AFDN: variants seen among roughly 807,000 people sequenced by gnomAD.
AFDN encodes afadin, adherens junction formation factor.
AFDN carries 68 observed loss-of-function variants against 216.6 expected under a neutral mutation model. The ratio of observed to expected loss-of-function variants is 0.31; its 90% CI spans 0.26 to 0.38. The LOEUF (loss-of-function observed/expected upper bound fraction) is 0.38. AFDN is among the 10% of genes least tolerant of loss of function. AFDN has a pLI of 1.00. For missense variants in AFDN, 2,136 were observed against 2,342.0 expected (o/e 0.91, Z 1.82); for synonymous variants, 868 against 853.7 (o/e 1.02, Z -0.29).
intron 30 of AFDN, among the ~76,000 whole-genome samples, chr6:167,957,324 C>T (rs1411834328): frequency 5.3e-5 from 8 of 152,296 alleles, no homozygotes; most frequent in Admixed American, 6.5e-5. Flanking sequence ...TTCTGGGTAG[C>T]GCCACCTCCA....
intron 4 of AFDN, among the ~76,000 whole-genome samples, chr6:167,874,053 G>A (rs1785073618): frequency 6.6e-6 from 1 of 152,186 alleles, no homozygotes; most frequent in Admixed American, 6.5e-5. Context: ...AATGTACAAA[G>A]ATACGTTGCT....
In AFDN at chr6:167,951,560, C is replaced by T. The variant is rs200111665; in HGVS notation, c.4206C>T (p.Asn1402=). The part of the protein sequence containing the change: ...DLPLPPPPSA[N]QIGLPSAQVA... ...CTCTCCCACCACCCCCTTCCGCCAA[C>T]CAGATAGGGCTGCCGTCTGCGCAGG... is the stretch of plus-strand genomic sequence containing the variant. The change falls in exon 30 of 34, where the codon AAC becomes AAT. Residue 1402 remains asparagine, a synonymous_variant. Transcript: ENST00000683244. This position sits in a 1 kb window ranked among gnomAD's most constrained non-coding sequence, Gnocchi z 7.1. 1.2e-6 allele frequency: 2 copies of T among 1,613,856 alleles called. No homozygotes were observed. The highest frequency in any genetic ancestry group is 2.7e-5 in the African/African-American group (2 of 75,040).
Position 167,864,543 on chromosome 6 carries a change from T to C in AFDN, c.106-8T>C, listed in dbSNP as rs1783962431. The C allele has an allele frequency of 1.2e-6, 2 of 1,605,028 alleles. No individual in the cohort carries two copies. Among genetic ancestry groups the C allele is most frequent in the Non-Finnish European group, 1.7e-6 (2 of 1,175,652 alleles). On this transcript the variant is annotated splice_region_variant and splice_polypyrimidine_tract_variant and intron_variant, in intron 1 of 33. Coordinates refer to ENST00000683244, the MANE Select transcript of AFDN (RefSeq NM_001386888.1). The stretch of plus-strand genomic sequence containing the variant: ...TTTCCAAAAATGTACCATTTTGTTT[T>C]CTTTTAGGATTTGGAGTTCCATGGA...
At chr6:167,887,846 T>C (rs533340631) in intron 6 of AFDN, among the ~76,000 whole-genome samples, 247 of 152,312 alleles carry the variant, frequency 1.6e-3, no homozygotes, top group Admixed American at 2.7e-3. Flanking sequence ...TTCTCCTTGT[T>C]AGATATTATC....
At chr6:167,948,570 A>C in intron 29 of AFDN, 92 bp downstream of exon 29, 1 of 1,225,238 alleles carries the variant, frequency 8.2e-7, no homozygotes, top group Non-Finnish European at 1.1e-6. Context: ...ATAGAACAGC[A>C]TTGTTGGCCT....
chr6:167,875,600 A>G (rs761275019), intron 5 of AFDN, 105 bp downstream of exon 5: 9 of 1,187,342 alleles, frequency 7.6e-6, no homozygotes, highest in Non-Finnish European at 1.1e-5. Flanking sequence ...GGGTGGTGTA[A>G]CCTTTTCATA....
At chr6:167,966,295 A>G (rs775840491) in intron 32 of AFDN, 11 of 1,476,270 alleles carry the variant, frequency 7.5e-6, no homozygotes, top group Non-Finnish European at 9.0e-7. Context: ...GTGACAAATC[A>G]GCTCTCTTTG....
At chr6:167,944,643 G>A (rs1303238867) in intron 26 of AFDN, among the ~76,000 whole-genome samples, 1 of 152,076 alleles carries the variant, frequency 6.6e-6, no homozygotes, top group Non-Finnish European at 1.5e-5. Flanking sequence ...TTGTATATAC[G>A]TCACAGTGTA....
intron 2 of AFDN, among the ~76,000 whole-genome samples, chr6:167,865,542 G>A (rs1784081437): frequency 6.6e-6 from 1 of 152,222 alleles, no homozygotes; most frequent in African/African-American, 2.4e-5. Flanking sequence ...GAGCTCAGGA[G>A]TTTGAGGCTT....
At chr6:167,853,507 A>G (rs994607979) in intron 1 of AFDN, among the ~76,000 whole-genome samples, 2 of 151,828 alleles carry the variant, frequency 1.3e-5, no homozygotes, top group African/African-American at 4.8e-5. Flanking sequence ...GAGAGTTAAG[A>G]CTCATTCATT....
intron 6 of AFDN, among the ~76,000 whole-genome samples, chr6:167,884,170 A>T (rs1232514837): frequency 6.6e-6 from 1 of 152,172 alleles, no homozygotes; most frequent in Admixed American, 6.5e-5. Flanking sequence ...TTCAGACCCC[A>T]TTTATAATCT....
At chr6:167,838,777 A>G (rs1457633839) in intron 1 of AFDN, among the ~76,000 whole-genome samples, 3 of 152,024 alleles carry the variant, frequency 2.0e-5, no homozygotes, top group Non-Finnish European at 2.9e-5. Context: ...ACCCTGGAGG[A>G]GGTTTCTAGG....
At chr6:167,883,545 C>T (rs542716518) in intron 6 of AFDN, among the ~76,000 whole-genome samples, 12 of 152,262 alleles carry the variant, frequency 7.9e-5, no homozygotes, top group African/African-American at 2.4e-4. Context: ...TGCCAGAGAC[C>T]GTCACGGTAA....
At chr6:167,828,827 C>A (rs1474907697) in intron 1 of AFDN, among the ~76,000 whole-genome samples, 5 of 88,594 alleles carry the variant, frequency 5.6e-5, no homozygotes, top group African/African-American at 1.8e-4. Flanking sequence ...AATCTTTTTT[C>A]GGTTTAATAA....
At chr6:167,922,796 G>T in intron 21 of AFDN, 60 bp from the exon 22 acceptor site, 1 of 1,142,852 alleles carries the variant, frequency 8.8e-7, no homozygotes, top group South Asian at 1.3e-5. Context: ...AATTAATCTT[G>T]CTTCCTTTAT....
chr6:167,868,760 A>ATT (rs1453761580), intron 2 of AFDN, among the ~76,000 whole-genome samples: 2 of 81,758 alleles, frequency 2.4e-5, no homozygotes, highest in African/African-American at 8.2e-5. Flanking sequence ...GCATTGTGCA[A>ATT]TCTTTTTTTT....
In AFDN at chr6:167,907,516, A is replaced by G. The variant is rs112516086; in HGVS notation, c.1769+227A>G. On this transcript the variant is annotated intron_variant, in intron 13 of 33. Coordinates refer to ENST00000683244, the MANE Select transcript of AFDN (RefSeq NM_001386888.1). ...AGTGTTATCAGATTGAAATAAGAGT[A>G]CATTGAATTAAAATGTTGCCATTTA... 1.2e-3 allele frequency among the ~76,000 whole-genome samples: 176 copies of G among 152,336 alleles called. 2 individuals are homozygous for G. The highest frequency in any genetic ancestry group is 4.2e-3 in the African/African-American group (175 of 41,580).
chr6:167,947,926 T>G lies in AFDN; in HGVS notation c.3627T>G (p.Thr1209=), dbSNP rs763092466. Residue 1209 remains threonine, a synonymous_variant, in exon 28 of 34, where the codon ACT becomes ACG. Coordinates refer to ENST00000683244, the MANE Select transcript of AFDN (RefSeq NM_001386888.1). ...CAGCGAAGATAACATCTGTCTCTACTGGAAACCTCTGCACTGAGGTCTGAT... is the reference window on the plus strand; with the variant it reads ...CAGCGAAGATAACATCTGTCTCTACGGGAAACCTCTGCACTGAGGTCTGAT... The part of the protein sequence containing the change: ...GTTAKITSVS[T]GNLCTEEQTP... 11 of 1,613,160 alleles carry G rather than the reference T, an allele frequency of 6.8e-6. No homozygotes were observed. Among genetic ancestry groups the G allele is most frequent in the Non-Finnish European group, 9.3e-6 (11 of 1,179,212 alleles).
At chr6:167,967,194 T>C (rs1313542132) in intron 32 of AFDN, among the ~76,000 whole-genome samples, 2 of 152,232 alleles carry the variant, frequency 1.3e-5, no homozygotes, top group South Asian at 2.1e-4. Flanking sequence ...GTATTACTTT[T>C]AGTGAGTGTA....
Sources: gnomAD v4.1 joint callset for allele counts (sites outside exome capture counted in the v4.1 genomes callset) on GRCh38, gnomAD v4.1.1 for gene constraint, Gnocchi (gnomAD v3.1) non-coding constraint, MANE v1.5 for transcripts, NCBI Gene and HGNC (gene_info 2026-07-23, HGNC 2026-07-21) for gene names.